Variants in APBB2 observed in about 807,000 individuals in gnomAD.
APBB2 encodes the protein Fe65-like 1.
In APBB2, 38 loss-of-function variants were observed where a neutral mutation model predicts 82.5. That is an observed-to-expected ratio of 0.46 (90% CI 0.36 to 0.60). The LOEUF is 0.60. Among genes scored for constraint, APBB2 ranks in the 20% least tolerant of loss-of-function variants. The pLI is 0.00. For synonymous variants in APBB2, 341 were observed against 368.2 expected, an observed-to-expected ratio of 0.93 and a Z score of 0.85; for missense variants, 772 against 972.3, an observed-to-expected ratio of 0.79 and a Z score of 2.74.
intron 12 of APBB2, among the ~76,000 whole-genome samples, chr4:40,862,474 T>C (rs1762982784): frequency 6.6e-6 from 1 of 152,256 alleles, no homozygotes. Context: ...CATCCATTTG[T>C]ATGACACTTG....
intron 1 of APBB2, among the ~76,000 whole-genome samples, chr4:41,212,701 G>A (rs1779620067): frequency 1.3e-5 from 2 of 152,138 alleles, no homozygotes; most frequent in African/African-American, 4.8e-5. Context: ...GGGTCATACA[G>A]TACATGGACA....
intron 1 of APBB2, among the ~76,000 whole-genome samples, chr4:41,203,444 G>C (rs936175030): frequency 6.6e-6 from 1 of 152,100 alleles, no homozygotes; most frequent in African/African-American, 2.4e-5. Flanking sequence ...TCATGAATAA[G>C]AACAGTCAGT....
intron 11 of APBB2, among the ~76,000 whole-genome samples, chr4:40,891,700 T>C (rs1016472042): frequency 1.3e-5 from 2 of 152,128 alleles, no homozygotes; most frequent in African/African-American, 4.8e-5. Context: ...AGCTAAGCCA[T>C]TTACAGATGA....
At chr4:40,993,199 C>T (rs1336552834) in intron 6 of APBB2, among the ~76,000 whole-genome samples, 1 of 152,038 alleles carries the variant, frequency 6.6e-6, no homozygotes, top group Non-Finnish European at 1.5e-5. Flanking sequence ...GTGACTCAGC[C>T]ACAATCATCC....
intron 4 of APBB2, among the ~76,000 whole-genome samples, chr4:41,049,273 C>T (rs1168161638): frequency 2.0e-5 from 3 of 149,962 alleles, no homozygotes; most frequent in Non-Finnish European, 4.4e-5. Context: ...CTCTGCCCGG[C>T]CGCCCCGTCG....
intron 6 of APBB2, among the ~76,000 whole-genome samples, chr4:40,989,711 C>T (rs1048183603): frequency 6.6e-6 from 1 of 152,178 alleles, no homozygotes; most frequent in Non-Finnish European, 1.5e-5. Context: ...GAGTCCAGGT[C>T]TCGCTGTCCC....
chr4:40,995,842 A>C (rs1803502014), intron 6 of APBB2, among the ~76,000 whole-genome samples: 1 of 149,594 alleles, frequency 6.7e-6, no homozygotes, highest in Non-Finnish European at 1.5e-5. Context: ...GCCCTTAAAC[A>C]TTTTTTTAAC....
intron 2 of APBB2, among the ~76,000 whole-genome samples, chr4:41,139,521 G>C (rs1758498132): frequency 6.6e-6 from 1 of 152,134 alleles, no homozygotes; most frequent in Non-Finnish European, 1.5e-5. Flanking sequence ...AAGCAACCAA[G>C]ATGTCCTTCA....
At chr4:40,903,579 C>A (rs1775917517) in intron 10 of APBB2, among the ~76,000 whole-genome samples, 1 of 152,170 alleles carries the variant, frequency 6.6e-6, no homozygotes, top group Non-Finnish European at 1.5e-5. Flanking sequence ...CTGATGTTGT[C>A]AGGGGGAATT....
chr4:40,822,035 A>G lies in APBB2; in HGVS notation c.1948T>C (p.Leu650=). The G allele has an allele frequency of 6.2e-7, 1 of 1,614,218 alleles. No homozygotes were observed. The highest frequency in any genetic ancestry group is 8.5e-7 in the Non-Finnish European group (1 of 1,180,032). ...VISEKNEEEV[L]VECRVRFLSF... is the part of the protein sequence containing the mutation. ...AGGAATCGCACACGACATTCCACTA[A>G]GACTTCCTCTTCATTCTGCAAGAGA... The change falls in exon 17 of 18, where the codon TTA becomes CTA. Residue 650 remains leucine (L), a synonymous_variant. Coordinates refer to ENST00000508593, the MANE Select transcript of APBB2 (RefSeq NM_004307.2).
At chr4:41,068,436 A>G (rs1277062343) in intron 3 of APBB2, among the ~76,000 whole-genome samples, 1 of 152,210 alleles carries the variant, frequency 6.6e-6, no homozygotes, top group Admixed American at 6.5e-5. Context: ...ACCAAATTGC[A>G]TCAATGTTTC....
At chr4:40,887,965 G>A (rs1331032486) in intron 12 of APBB2, among the ~76,000 whole-genome samples, 1 of 152,154 alleles carries the variant, frequency 6.6e-6, no homozygotes, top group East Asian at 1.9e-4. Context: ...TGCTTTGTAG[G>A]ACAACTGAAC....
At chr4:40,857,478 C>T (rs1761648863) in intron 12 of APBB2, among the ~76,000 whole-genome samples, 1 of 151,878 alleles carries the variant, frequency 6.6e-6, no homozygotes, top group South Asian at 2.1e-4. Context: ...GGTTTCTTTT[C>T]TTTTCTTCTT....
intron 4 of APBB2, among the ~76,000 whole-genome samples, chr4:41,049,322 CGGAGAAGTGAGGA>C (rs1724868340): frequency 9.6e-6 from 1 of 104,434 alleles, no homozygotes; most frequent in Non-Finnish European, 2.0e-5. Flanking sequence ...GCCGCCCCGT[CGGAGAAGTGAGGA>C]GCGTCTCCGA....
chr4:41,083,644 C>T (rs1259389745), intron 3 of APBB2, among the ~76,000 whole-genome samples: 5 of 136,480 alleles, frequency 3.7e-5, no homozygotes, highest in African/African-American at 5.5e-5. Flanking sequence ...GCTGAGATCA[C>T]GCCACTGCAC....
At chr4:40,950,756 T>C (rs573604812) in intron 6 of APBB2, among the ~76,000 whole-genome samples, 76 of 152,088 alleles carry the variant, frequency 5.0e-4, no homozygotes, top group African/African-American at 1.3e-3. Flanking sequence ...GGCAGGAGAA[T>C]CACTTGAACC....
At chr4:40,881,587 G>A (rs1236380655) in intron 12 of APBB2, among the ~76,000 whole-genome samples, 1 of 125,992 alleles carries the variant, frequency 7.9e-6, no homozygotes, top group Non-Finnish European at 1.6e-5. Flanking sequence ...AGGCTGGAAT[G>A]CAGCAGTGCA....
At chr4:41,116,078 T>C (rs1750884187) in intron 2 of APBB2, among the ~76,000 whole-genome samples, 1 of 152,180 alleles carries the variant, frequency 6.6e-6, no homozygotes, top group Admixed American at 6.5e-5. Context: ...TGCCCATCAA[T>C]GATAGACTGG....
At chr4:41,150,081 T>G (rs1366031874) in intron 1 of APBB2, among the ~76,000 whole-genome samples, 2 of 152,220 alleles carry the variant, frequency 1.3e-5, no homozygotes, top group African/African-American at 4.8e-5. Context: ...GTACTCTGCA[T>G]CATTTTTCAA....
Sources: gnomAD v4.1 joint callset for allele counts (sites outside exome capture counted in the v4.1 genomes callset) on GRCh38, gnomAD v4.1.1 for gene constraint, MANE v1.5 for transcripts, NCBI Gene and HGNC (gene_info 2026-07-23, HGNC 2026-07-21) for gene names.